Variants in KCNIP4 observed in about 807,000 individuals in gnomAD.
KCNIP4 encodes the protein potassium voltage-gated channel interacting protein 4, also known as Kv channel-interacting protein 4.
A neutral mutation model predicts 34.0 loss-of-function variants in KCNIP4; 12 were observed. The observed-to-expected ratio is 0.35, with a 90% CI of 0.23 to 0.57. KCNIP4 has a LOEUF of 0.57. KCNIP4 is among the 20% of genes least tolerant of loss of function. The pLI, the probability that KCNIP4 is intolerant of heterozygous loss-of-function variation, is 0.83. For missense variants in KCNIP4, 238 were observed against 311.7 expected (o/e 0.76, Z 1.78); for synonymous variants, 124 against 102.2 (o/e 1.21, Z -1.29).
At chr4:21,408,080 C>T (rs111968940) in intron 1 of KCNIP4, among the ~76,000 whole-genome samples, 55 of 152,228 alleles carry the variant, frequency 3.6e-4, no homozygotes, top group Non-Finnish European at 6.0e-4. Context: ...GAAAACCAAA[C>T]GAAGCCGGTA....
At chr4:21,580,185 T>A (rs1741103344) in intron 1 of KCNIP4, among the ~76,000 whole-genome samples, 1 of 152,156 alleles carries the variant, frequency 6.6e-6, no homozygotes, top group African/African-American at 2.4e-5. Flanking sequence ...TTGGAAAGAA[T>A]AAGGAATGAA....
intron 1 of KCNIP4, among the ~76,000 whole-genome samples, chr4:21,660,159 T>C (rs768113554): frequency 6.6e-6 from 1 of 152,120 alleles, no homozygotes; most frequent in Non-Finnish European, 1.5e-5. Flanking sequence ...CTATCCTGTG[T>C]ACCCTCTTTT....
chr4:21,209,615 C>G (rs112083308), intron 1 of KCNIP4, among the ~76,000 whole-genome samples: 4,374 of 151,692 alleles, frequency 0.029, 205 homozygotes, highest in African/African-American at 0.1. Context: ...ATCTATCTAT[C>G]TATTTATCTA....
rs969157894 is a variant in KCNIP4, at chr4:21,235,961, G to C, written c.62-353252C>G. 6.6e-5 allele frequency among the ~76,000 whole-genome samples: 10 copies of C among 152,076 alleles called. No homozygotes were observed. The South Asian group carries it at 2.1e-3, about 32-fold the overall frequency. On this transcript the variant is annotated intron_variant, in intron 1 of 8. Transcript: ENST00000382152. ...AACATATCAGTTGGAAATATGTATA[G>C]GTTCTGACCTAGATAAGGTCTAAAG...
At chr4:21,493,616 A>G (rs1458445809) in intron 1 of KCNIP4, among the ~76,000 whole-genome samples, 2 of 152,300 alleles carry the variant, frequency 1.3e-5, no homozygotes, top group East Asian at 3.9e-4. Flanking sequence ...AAGTTTCTGG[A>G]CAAGCAACAA....
chr4:20,864,174 A>ACATG (rs145147480), intron 2 of KCNIP4, among the ~76,000 whole-genome samples: 4 of 72,016 alleles, frequency 5.6e-5, no homozygotes, highest in South Asian at 1.1e-3. Flanking sequence ...GTATGTATAC[A>ACATG]CATGTATGTA....
In KCNIP4 at chr4:20,731,677, T is replaced by A. The variant is rs1425839555; in HGVS notation, c.705+329A>T. On this transcript the variant is annotated intron_variant, in intron 8 of 8. Transcript: ENST00000382152. ...GATATGATAGATAATATATGAGTGA[T>A]GCTAAGTTTTGGCAAAGAGCAATTC... 3.0e-6 allele frequency: 3 copies of A among 985,170 alleles called. No homozygotes were observed. In the East Asian group the frequency reaches 3.4e-4, roughly 112 times the overall value. 61.0% of individuals were successfully genotyped at this position (985,170 alleles called of 1,614,324 possible). A position where few individuals can be genotyped will look rare whatever the true frequency, so the allele number is the denominator to read the frequency against.
Position 21,691,691 on chromosome 4 carries a change from C to CTTTTTTTTTTTTTTTTTTTTTTTT in KCNIP4, c.61+256879_61+256880insAAAAAAAAAAAAAAAAAAAAAAAA, listed in dbSNP as rs36004947. Among the ~76,000 whole-genome samples, 6 of 103,144 alleles carry CTTTTTTTTTTTTTTTTTTTTTTTT rather than the reference C, an allele frequency of 5.8e-5. 1 individual carries two copies. The highest frequency in any genetic ancestry group is 5.6e-5 in the Non-Finnish European group (3 of 53,646). The allele number at this position is 103,144 out of a possible 152,430, so 67.7% of individuals were successfully genotyped here. On this transcript the variant is annotated intron_variant, in intron 1 of 8. Transcript: ENST00000382152. The stretch of plus-strand genomic sequence containing the variant: ...TTTAGCAAGAGGGGCAAACGCAGCT[C>CTTTTTTTTTTTTTTTTTTTTTTTT]TTTTTTTTTTTTTTTTTTTTTTTCT...
chr4:20,748,894 G>GTGTGTATATATA (rs1160169512), intron 5 of KCNIP4, among the ~76,000 whole-genome samples: 1 of 145,248 alleles, frequency 6.9e-6, no homozygotes, highest in African/African-American at 2.5e-5. Flanking sequence ...GTGTGTGTGT[G>GTGTGTATATATA]TATATATATA....
intron 1 of KCNIP4, among the ~76,000 whole-genome samples, chr4:21,093,954 C>T (rs1298582617): frequency 2.0e-5 from 3 of 151,960 alleles, no homozygotes; most frequent in Admixed American, 6.6e-5. Flanking sequence ...TGGTGGCGGG[C>T]GCCTGTAGTC....
At chr4:21,844,512 T>C (rs928522959) in intron 1 of KCNIP4, 6 of 152,086 alleles carry the variant, frequency 3.9e-5, no homozygotes, top group African/African-American at 1.4e-4. Context: ...GCCTCTCCTA[T>C]GTCCACACCA....
At chr4:21,188,905 C>T (rs1374254728) in intron 1 of KCNIP4, among the ~76,000 whole-genome samples, 1 of 152,140 alleles carries the variant, frequency 6.6e-6, no homozygotes, top group African/African-American at 2.4e-5. Context: ...CATAGTAGAA[C>T]CTCAAAAAAG....
intron 1 of KCNIP4, among the ~76,000 whole-genome samples, chr4:21,274,871 T>A (rs1762347304): frequency 7.1e-6 from 1 of 140,014 alleles, no homozygotes; most frequent in Admixed American, 7.1e-5. Context: ...CTATGAAGAT[T>A]GTTAATTTGA....
intron 1 of KCNIP4, among the ~76,000 whole-genome samples, chr4:21,577,223 A>C (rs1460695174): frequency 6.6e-6 from 1 of 152,138 alleles, no homozygotes; most frequent in Non-Finnish European, 1.5e-5. Flanking sequence ...AAAACCCTTG[A>C]CTCTAACTGG....
At chr4:21,637,448 T>C (rs2089102) in intron 1 of KCNIP4, among the ~76,000 whole-genome samples, 7,654 of 152,050 alleles carry the variant, frequency 0.05, 256 homozygotes, top group Middle Eastern at 0.089. Flanking sequence ...TCCTCATAAC[T>C]CTTCAAAAGA....
At chr4:21,340,385 T>C (rs957490183) in intron 1 of KCNIP4, among the ~76,000 whole-genome samples, 7 of 152,202 alleles carry the variant, frequency 4.6e-5, no homozygotes, top group Non-Finnish European at 8.8e-5. Flanking sequence ...TTAGGTCTGA[T>C]CTTAGGAAAC....
chr4:20,802,676 G>C (rs899447666), intron 3 of KCNIP4, among the ~76,000 whole-genome samples: 1 of 152,140 alleles, frequency 6.6e-6, no homozygotes, highest in Non-Finnish European at 1.5e-5. Flanking sequence ...GTAGAAATTA[G>C]TAACCAAGGG....
chr4:20,758,993 A>G, intron 3 of KCNIP4, 103 bp from the exon 4 acceptor site: 1 of 804,264 alleles, frequency 1.2e-6, no homozygotes, highest in Non-Finnish European at 2.1e-6. Flanking sequence ...AGCTGCACCA[A>G]GAAAATTAAC....
chr4:21,351,300 G>T (rs1717977431), intron 1 of KCNIP4, among the ~76,000 whole-genome samples: 2 of 152,104 alleles, frequency 1.3e-5, no homozygotes, highest in South Asian at 4.1e-4. Flanking sequence ...CTGGTGGGAG[G>T]TAATTGAATC....
Sources: gnomAD v4.1 joint callset for allele counts (sites outside exome capture counted in the v4.1 genomes callset) on GRCh38, gnomAD v4.1.1 for gene constraint, MANE v1.5 for transcripts, NCBI Gene and HGNC (gene_info 2026-07-23, HGNC 2026-07-21) for gene names.